NEK1: variants seen among roughly 807,000 people sequenced by gnomAD.
NEK1 encodes NIMA related kinase 1, also known as serine/threonine-protein kinase Nek1.
A neutral mutation model predicts 182.1 loss-of-function variants in NEK1; 137 were observed. That is an observed-to-expected ratio of 0.75 (90% CI 0.65 to 0.87). The LOEUF is 0.87. Among genes scored for constraint, NEK1 ranks in the 40% least tolerant of loss-of-function variants. The pLI, the probability that NEK1 is intolerant of heterozygous loss-of-function variation, is 0.00. For missense variants in NEK1, 1,391 were observed against 1,494.4 expected (o/e 0.93, Z 1.14); for synonymous variants, 513 against 492.2 (o/e 1.04, Z -0.56).
chr4:169,602,976 T>C (rs1295073281), intron 2 of NEK1, among the ~76,000 whole-genome samples: 3 of 152,176 alleles, frequency 2.0e-5, no homozygotes, highest in African/African-American at 7.2e-5. Context: ...TTAGTAGCAT[T>C]ACTTTATTTT....
At chr4:169,577,924 CA>C (rs1477408829) in intron 11 of NEK1, among the ~76,000 whole-genome samples, 1 of 151,726 alleles carries the variant, frequency 6.6e-6, no homozygotes, top group Non-Finnish European at 1.5e-5. Context: ...ACAGACCTGA[CA>C]AAAAAGAAAT....
intron 12 of NEK1, among the ~76,000 whole-genome samples, chr4:169,566,784 T>C (rs1196861262): frequency 6.6e-6 from 1 of 152,024 alleles, no homozygotes; most frequent in Non-Finnish European, 1.5e-5. Context: ...GGAAAAGAAG[T>C]CTTTTAAAAA....
In NEK1 at chr4:169,589,474, T is replaced by C. The variant is rs1474699792; in HGVS notation, c.437A>G (p.Asp146Gly). ...LTKDGTVQLG[D>G]FGIARVLNST... ...ATTAAGAACTCTAGCAATTCCAAAA[T>C]CTCCAAGTTGTACTGTTCCATCTTT... The change falls in exon 7 of 36, where the codon GAT (aspartate) becomes GGT (glycine). Residue 146 changes from aspartate to glycine, a missense_variant. Transcript: ENST00000507142. 2.0e-6 allele frequency: 3 copies of C among 1,515,168 alleles called. No individual in the cohort carries two copies. 93.9% of individuals were successfully genotyped at this position (1,515,168 alleles called of 1,614,324 possible). A position where few individuals can be genotyped will look rare whatever the true frequency, so the allele number is the denominator to read the frequency against.
At chr4:169,514,445 T>C (rs909332821) in intron 19 of NEK1, among the ~76,000 whole-genome samples, 1 of 152,226 alleles carries the variant, frequency 6.6e-6, no homozygotes, top group Non-Finnish European at 1.5e-5. Flanking sequence ...TTGTATCAAA[T>C]TGGTGTTAAT....
intron 4 of NEK1, 54 bp from the exon 5 acceptor site, chr4:169,599,251 G>A: frequency 7.5e-7 from 1 of 1,326,894 alleles, no homozygotes; most frequent in Non-Finnish European, 1.1e-6. Flanking sequence ...CAAAAGCATG[G>A]CTAAATTAAA....
At chr4:169,451,407 G>A (rs961428051) in intron 27 of NEK1, among the ~76,000 whole-genome samples, 43 of 152,252 alleles carry the variant, frequency 2.8e-4, no homozygotes, top group African/African-American at 9.9e-4. Context: ...CTCAGCAAAT[G>A]TAAAATAACA....
chr4:169,477,528 A>G, intron 24 of NEK1, 31 bp from the exon 25 acceptor site: 1 of 1,498,240 alleles, frequency 6.7e-7, no homozygotes. Context: ...AGAGGAAGAG[A>G]TAATTTTATT....
intron 27 of NEK1, among the ~76,000 whole-genome samples, chr4:169,451,635 C>T (rs1396776093): frequency 1.3e-5 from 2 of 152,180 alleles, no homozygotes; most frequent in African/African-American, 4.8e-5. Context: ...ACATTTAAAG[C>T]AGTGTGTAGA....
chr4:169,462,783 G>GT lies in NEK1; in HGVS notation c.2587+459dup, dbSNP rs1009549678. On this transcript the variant is annotated intron_variant, in intron 27 of 35. Coordinates refer to ENST00000507142, the MANE Select transcript of NEK1 (RefSeq NM_001199397.3). Reference sequence around the variant, plus strand: ...TAGCCACTCTTCTTGATGCATAGCTGTAATACCAAAGGCCACAAAACTTAT... The same window carrying GT: ...TAGCCACTCTTCTTGATGCATAGCTGTTAATACCAAAGGCCACAAAACTTAT... Among the ~76,000 whole-genome samples the GT allele has an allele frequency of 1.9e-4, 29 of 152,088 alleles. 1 individual carries two copies. The highest frequency in any genetic ancestry group is 7.0e-4 in the African/African-American group (29 of 41,418).
At chr4:169,509,128 T>C (rs1753790541) in intron 19 of NEK1, among the ~76,000 whole-genome samples, 1 of 150,960 alleles carries the variant, frequency 6.6e-6, no homozygotes, top group Admixed American at 6.6e-5. Context: ...TTTGTTTGCT[T>C]GTTTGTTTGT....
chr4:169,565,221 A>G (rs1351566905), intron 12 of NEK1, among the ~76,000 whole-genome samples: 3 of 152,310 alleles, frequency 2.0e-5, no homozygotes, highest in Non-Finnish European at 2.9e-5. Flanking sequence ...GCGACCCACA[A>G]TAAGAAATAT....
intron 19 of NEK1, among the ~76,000 whole-genome samples, chr4:169,533,850 A>G (rs1758042824): frequency 6.6e-6 from 1 of 152,232 alleles, no homozygotes; most frequent in African/African-American, 2.4e-5. Context: ...TTTAATTTCA[A>G]ATGTCCCTAG....
intron 19 of NEK1, among the ~76,000 whole-genome samples, chr4:169,512,024 G>A (rs982846919): frequency 2.0e-5 from 3 of 152,064 alleles, no homozygotes; most frequent in African/African-American, 4.8e-5. Context: ...CCATTAAAGG[G>A]CATTTGGGTA....
chr4:169,486,282 T>G (rs1044222361), intron 23 of NEK1, among the ~76,000 whole-genome samples: 3 of 152,188 alleles, frequency 2.0e-5, no homozygotes, highest in African/African-American at 7.2e-5. Flanking sequence ...GCTGTAAAAC[T>G]GTTTCTACTT....
intron 31 of NEK1, among the ~76,000 whole-genome samples, chr4:169,417,413 T>C (rs867796806): frequency 1.3e-5 from 2 of 152,180 alleles, no homozygotes; most frequent in South Asian, 2.1e-4. Flanking sequence ...TAAAAAAGAC[T>C]TCTGGTTTCT....
rs70964204 is a variant in NEK1 at position 169,445,849 on chromosome 4, C to CATATAT, written c.2588-7596_2588-7591dup. On this transcript the variant is annotated intron_variant, in intron 27 of 35. Transcript: ENST00000507142. ...AAACTTAAAACAAAACAACTATATA[C>CATATAT]ATATATATATATATATACACACACA... Among the ~76,000 whole-genome samples, 1,344 of 140,178 alleles carry CATATAT rather than the reference C, an allele frequency of 9.6e-3. 40 individuals carry two copies. The highest frequency in any genetic ancestry group is 0.036 in the African/African-American group (1,237 of 34,356). 92.0% of individuals were successfully genotyped at this position (140,178 alleles called of 152,430 possible). A position where few individuals can be genotyped will look rare whatever the true frequency, so the allele number is the denominator to read the frequency against.
intron 8 of NEK1, among the ~76,000 whole-genome samples, chr4:169,588,064 G>A (rs766800993): frequency 6.6e-6 from 1 of 152,046 alleles, no homozygotes; most frequent in Non-Finnish European, 1.5e-5. Flanking sequence ...AAGGGTAGCT[G>A]GAATTTAATG....
intron 19 of NEK1, among the ~76,000 whole-genome samples, chr4:169,523,216 G>A (rs2149758023): frequency 1.3e-5 from 2 of 152,296 alleles, no homozygotes; most frequent in East Asian, 3.9e-4. Context: ...AGTTACACAG[G>A]ATTGTTGGAA....
intron 5 of NEK1, among the ~76,000 whole-genome samples, chr4:169,598,757 G>A (rs562317319): frequency 6.6e-6 from 1 of 152,264 alleles, no homozygotes; most frequent in East Asian, 1.9e-4. Flanking sequence ...GAGTTACCTG[G>A]CAAAGCCACA....
Sources: gnomAD v4.1 joint callset for allele counts (sites outside exome capture counted in the v4.1 genomes callset) on GRCh38, gnomAD v4.1.1 for gene constraint, MANE v1.5 for transcripts, NCBI Gene and HGNC (gene_info 2026-07-23, HGNC 2026-07-21) for gene names.